GRIK4: variants seen among roughly 807,000 people sequenced by gnomAD.
The protein encoded by GRIK4 is glutamate ionotropic receptor kainate type subunit 4.
A neutral mutation model predicts 104.9 loss-of-function variants in GRIK4; 40 were observed. That is an observed-to-expected ratio of 0.38 (90% CI 0.30 to 0.50). The LOEUF (loss-of-function observed/expected upper bound fraction) is 0.50. Ranked by LOEUF, GRIK4 falls within the 20% of genes least tolerant of loss-of-function variation. The probability of loss-of-function intolerance (pLI) is 0.93; values close to 1 mark genes in which losing one functional copy is unlikely to be tolerated. For synonymous variants in GRIK4, 485 were observed against 524.9 expected (o/e 0.92, Z 1.04); for missense variants, 1,047 against 1,308.1 (o/e 0.80, Z 3.08).
chr11:120,835,250 A>G (rs1346462598), intron 7 of GRIK4, among the ~76,000 whole-genome samples: 2 of 152,222 alleles, frequency 1.3e-5, no homozygotes, highest in African/African-American at 2.4e-5. Context: ...ATAAGATTAC[A>G]GGCGCGGTGC....
intron 1 of GRIK4, among the ~76,000 whole-genome samples, chr11:120,559,754 C>T (rs1948221002): frequency 6.6e-6 from 1 of 152,182 alleles, no homozygotes; most frequent in African/African-American, 2.4e-5. Context: ...AGTTCTTTAT[C>T]ACCTTTTTAT....
At chr11:120,910,236 A>C (rs1461187345) in intron 13 of GRIK4, among the ~76,000 whole-genome samples, 1 of 152,244 alleles carries the variant, frequency 6.6e-6, no homozygotes, top group African/African-American at 2.4e-5. Context: ...CGGAAAGCAT[A>C]CAGAGACCAT....
intron 3 of GRIK4, among the ~76,000 whole-genome samples, chr11:120,754,494 A>G (rs966498293): frequency 2.0e-5 from 3 of 152,156 alleles, no homozygotes; most frequent in Admixed American, 6.5e-5. Flanking sequence ...TAATCAGTTC[A>G]TAGATATTTG....
rs78627643 is a variant in GRIK4, at chr11:120,688,273, C to G, written c.82+27873C>G. 7.8e-3 allele frequency among the ~76,000 whole-genome samples: 1,189 copies of G among 152,310 alleles called. 58 individuals are homozygous for G. In the East Asian group the frequency reaches 0.13, roughly 17 times the overall value. ...GATTGTTATATTTCTTCTAGCATTT[C>G]TAGTTCTTAGTGGAAGCATTGATTG... On this transcript the variant is annotated intron_variant, in intron 3 of 20. Transcript: ENST00000527524.
chr11:120,864,288 T>G (rs1429735755), intron 9 of GRIK4, among the ~76,000 whole-genome samples: 1 of 151,908 alleles, frequency 6.6e-6, no homozygotes, highest in Admixed American at 6.6e-5. Context: ...TCGCCCAGGC[T>G]GGAGTGCAGT....
intron 3 of GRIK4, among the ~76,000 whole-genome samples, chr11:120,674,827 G>A (rs2135273384): frequency 6.6e-6 from 1 of 152,342 alleles, no homozygotes; most frequent in South Asian, 2.1e-4. Context: ...GCTCCAAGGG[G>A]GCACCAACCA....
chr11:120,874,296 C>T, intron 10 of GRIK4, 78 bp downstream of exon 10: 2 of 1,184,234 alleles, frequency 1.7e-6, no homozygotes, highest in Admixed American at 2.0e-5. Context: ...ACAAGAGTCC[C>T]TCAACTCCAG....
At position 120,635,384 on chromosome 11, in the gene GRIK4, C is replaced by T. The variant is rs150776251; in HGVS notation, c.-158-18301C>T. On this transcript the variant is annotated intron_variant, in intron 1 of 20. Coordinates refer to ENST00000527524, the MANE Select transcript of GRIK4 (RefSeq NM_014619.5). ...GCAAGCCTTGCACTGCACCCTGAGT[C>T]CTGCGTGCCGCAGTCACCCAGGGCC... 5.9e-3 allele frequency among the ~76,000 whole-genome samples: 895 copies of T among 152,362 alleles called. 6 individuals are homozygous for T. The highest frequency in any genetic ancestry group is 9.4e-3 in the Non-Finnish European group (642 of 68,032).
At chr11:120,900,646 G>T (rs775604502) in intron 12 of GRIK4, among the ~76,000 whole-genome samples, 14 of 152,160 alleles carry the variant, frequency 9.2e-5, no homozygotes, top group Non-Finnish European at 2.1e-4. Flanking sequence ...ATACCCAGGG[G>T]TCAGGGTGGC....
chr11:120,690,627 G>C (rs922823172), intron 3 of GRIK4, among the ~76,000 whole-genome samples: 1 of 152,246 alleles, frequency 6.6e-6, no homozygotes, highest in Admixed American at 6.5e-5. Context: ...TACCACCTGA[G>C]CAACCAAGAT....
chr11:120,805,554 G>C (rs933765364), intron 4 of GRIK4, among the ~76,000 whole-genome samples: 1 of 152,150 alleles, frequency 6.6e-6, no homozygotes, highest in African/African-American at 2.4e-5. Flanking sequence ...TATTTTCTTA[G>C]CAAGTGGGCC....
At chr11:120,727,194 G>C (rs1178392694) in intron 3 of GRIK4, among the ~76,000 whole-genome samples, 1 of 152,178 alleles carries the variant, frequency 6.6e-6, no homozygotes, top group Non-Finnish European at 1.5e-5. Context: ...GAACAAAGGG[G>C]CGAGAGCAGC....
chr11:120,728,636 TA>T, intron 3 of GRIK4, among the ~76,000 whole-genome samples: 1 of 152,164 alleles, frequency 6.6e-6, no homozygotes, highest in Non-Finnish European at 1.5e-5. Flanking sequence ...TGTGGGTACA[TA>T]GTAGGTGTAT....
At chr11:120,976,515 T>A (rs552953102) in intron 19 of GRIK4, among the ~76,000 whole-genome samples, 1 of 152,218 alleles carries the variant, frequency 6.6e-6, no homozygotes, top group East Asian at 1.9e-4. Context: ...ATCGGACTAT[T>A]TGATACACTT....
intron 1 of GRIK4, among the ~76,000 whole-genome samples, chr11:120,633,444 A>AGAACTTAGAC (rs1949355668): frequency 6.6e-6 from 1 of 152,150 alleles, no homozygotes; most frequent in Non-Finnish European, 1.5e-5. Context: ...ACGTGAGCAC[A>AGAACTTAGAC]TGTGTGTGCT....
chr11:120,663,345 G>T (rs1252839851), intron 3 of GRIK4, among the ~76,000 whole-genome samples: 1 of 152,202 alleles, frequency 6.6e-6, no homozygotes, highest in African/African-American at 2.4e-5. Flanking sequence ...TTTGGCCAAG[G>T]TCACCTGACA....
chr11:120,908,350 T>G (rs904233420), intron 13 of GRIK4, among the ~76,000 whole-genome samples: 2 of 152,196 alleles, frequency 1.3e-5, no homozygotes, highest in Non-Finnish European at 2.9e-5. Context: ...CACATTATTT[T>G]ATCCTTTCCA....
intron 1 of GRIK4, among the ~76,000 whole-genome samples, chr11:120,643,192 G>A (rs1949492330): frequency 1.3e-5 from 2 of 152,102 alleles, no homozygotes; most frequent in South Asian, 2.1e-4. Flanking sequence ...AATATAATAA[G>A]TAAATTATAT....
At chr11:120,955,463 C>G (rs146901623) in intron 15 of GRIK4, among the ~76,000 whole-genome samples, 2 of 152,236 alleles carry the variant, frequency 1.3e-5, no homozygotes, top group African/African-American at 4.8e-5. Flanking sequence ...CACACAGCAC[C>G]CCGCCCTCCT....
Sources: allele counts gnomAD v4.1 joint callset (sites outside exome capture counted in the v4.1 genomes callset), GRCh38; gene constraint gnomAD v4.1.1; transcripts MANE v1.5; gene names NCBI Gene and HGNC (gene_info 2026-07-23, HGNC 2026-07-21).